PPFIA2: variants seen among roughly 807,000 people sequenced by gnomAD.
PPFIA2 encodes liprin-alpha-2.
Under a neutral mutation model 175.5 loss-of-function variants are expected in PPFIA2, and 46 were observed. That is an observed-to-expected ratio of 0.26 (90% confidence interval 0.21 to 0.34). The LOEUF (loss-of-function observed/expected upper bound fraction) is 0.34, where lower values mean the gene tolerates loss of function less well. Ranked by LOEUF, PPFIA2 falls within the 10% of genes least tolerant of loss-of-function variation. PPFIA2 has a pLI of 1.00. For synonymous variants in PPFIA2, 568 were observed against 511.4 expected, an observed-to-expected ratio of 1.11 and a Z score of -1.49; for missense variants, 1,179 against 1,506.1, an observed-to-expected ratio of 0.78 and a Z score of 3.60.
intron 3 of PPFIA2, among the ~76,000 whole-genome samples, chr12:81,729,286 A>G (rs1451705069): frequency 1.3e-5 from 2 of 151,512 alleles, no homozygotes; most frequent in East Asian, 2.0e-4. Context: ...CACACTAACC[A>G]TGGTCACACA....
At chr12:81,467,084 G>A (rs890857779) in intron 4 of PPFIA2, among the ~76,000 whole-genome samples, 1 of 151,312 alleles carries the variant, frequency 6.6e-6, no homozygotes, top group Non-Finnish European at 1.5e-5. Flanking sequence ...TTTTATATCA[G>A]GGACAAGAGG....
At chr12:81,590,518 C>G (rs1382077460) in intron 4 of PPFIA2, among the ~76,000 whole-genome samples, 1 of 151,346 alleles carries the variant, frequency 6.6e-6, no homozygotes, top group East Asian at 1.9e-4. Context: ...ATTTTTGAAA[C>G]AGGGTGATAG....
chr12:81,667,942 A>T (rs1407277559), intron 4 of PPFIA2, among the ~76,000 whole-genome samples: 1 of 152,024 alleles, frequency 6.6e-6, no homozygotes, highest in Non-Finnish European at 1.5e-5. Context: ...GGGATATGAA[A>T]GTGGGTTACA....
chr12:81,553,615 C>T (rs1306284728), intron 4 of PPFIA2, among the ~76,000 whole-genome samples: 8 of 151,962 alleles, frequency 5.3e-5, no homozygotes, highest in African/African-American at 1.2e-4. Context: ...CAAGACTCTG[C>T]GGAAGAGAGG....
intron 4 of PPFIA2, among the ~76,000 whole-genome samples, chr12:81,665,050 G>C (rs942446717): frequency 6.6e-6 from 1 of 151,876 alleles, no homozygotes; most frequent in African/African-American, 2.4e-5. Flanking sequence ...GGTGGGGGCA[G>C]GGGGGAGGGA....
chr12:81,502,629 A>T (rs2060705378), intron 4 of PPFIA2, among the ~76,000 whole-genome samples: 1 of 152,198 alleles, frequency 6.6e-6, no homozygotes, highest in Non-Finnish European at 1.5e-5. Context: ...CCTAAATTAC[A>T]TCAAGTACCC....
At chr12:81,463,040 T>G (rs1013842166) in intron 4 of PPFIA2, among the ~76,000 whole-genome samples, 2 of 152,024 alleles carry the variant, frequency 1.3e-5, no homozygotes, top group Non-Finnish European at 2.9e-5. Flanking sequence ...TAGAACAGTA[T>G]TTCCACAAGA....
At chr12:81,556,226 G>T (rs906532377) in intron 4 of PPFIA2, among the ~76,000 whole-genome samples, 4 of 151,904 alleles carry the variant, frequency 2.6e-5, no homozygotes. Context: ...ACTTTGAAGT[G>T]ATGGTAGCCT....
At position 81,425,367 on chromosome 12, in the gene PPFIA2, T is replaced by A. The variant is rs552112329; in HGVS notation, c.645+14605A>T. ...TTTTTTTATTTATTCTTTTTTGAGA[T>A]GAAGCCTCACTCTGTCACCCAGGAT... is the stretch of plus-strand genomic sequence containing the variant. On this transcript the variant is annotated intron_variant, in intron 7 of 32. Transcript: ENST00000549396. Among the ~76,000 whole-genome samples, 8 of 152,254 alleles carry A rather than the reference T, an allele frequency of 5.3e-5. No homozygotes were observed. The South Asian group carries it at 1.7e-3, about 32-fold the overall frequency.
chr12:81,434,890 A>C (rs551283596), intron 7 of PPFIA2, among the ~76,000 whole-genome samples: 1 of 152,298 alleles, frequency 6.6e-6, no homozygotes, highest in South Asian at 2.1e-4. Flanking sequence ...ATATACTTGC[A>C]AACAATGGAG....
intron 21 of PPFIA2, among the ~76,000 whole-genome samples, chr12:81,330,018 C>T (rs1405095327): frequency 1.3e-5 from 2 of 152,154 alleles, no homozygotes; most frequent in African/African-American, 2.4e-5. Context: ...AGGAAGGAAA[C>T]TCACATGCCT....
intron 7 of PPFIA2, chr12:81,431,435 A>T (rs966886382): frequency 6.6e-6 from 1 of 152,176 alleles, no homozygotes; most frequent in Non-Finnish European, 1.5e-5. Flanking sequence ...CTTTTTTAGG[A>T]CAATGGCCTG....
At chr12:81,473,833 A>G (rs958193051) in intron 4 of PPFIA2, among the ~76,000 whole-genome samples, 1 of 152,200 alleles carries the variant, frequency 6.6e-6, no homozygotes, top group African/African-American at 2.4e-5. Flanking sequence ...AGAATGATTG[A>G]CTGTTGTCCA....
chr12:81,642,737 G>GTATATATTATATACATACAT (rs1567688608), intron 4 of PPFIA2, among the ~76,000 whole-genome samples: 1 of 21,174 alleles, frequency 4.7e-5, no homozygotes, highest in Non-Finnish European at 1.3e-4. Flanking sequence ...ACATGTATAT[G>GTATATATTATATACATACAT]TATGTATGTA....
At chr12:81,340,176 G>C (rs188544071) in intron 20 of PPFIA2, among the ~76,000 whole-genome samples, 49 of 152,058 alleles carry the variant, frequency 3.2e-4, no homozygotes, top group African/African-American at 1.2e-3. Flanking sequence ...CTTTTTTGGA[G>C]AGTGAAAGAA....
intron 24 of PPFIA2, among the ~76,000 whole-genome samples, chr12:81,287,569 A>C (rs1321806120): frequency 6.6e-6 from 1 of 151,976 alleles, no homozygotes; most frequent in Non-Finnish European, 1.5e-5. Flanking sequence ...TCTTGTAAAA[A>C]GCCGACAGAA....
In PPFIA2 at chr12:81,259,780, G is replaced by A. The variant is rs188865753; in HGVS notation, c.*34-120C>T. 7.2e-5 allele frequency: 56 copies of A among 778,360 alleles called. No homozygotes were observed. In the East Asian group the frequency reaches 1.5e-3, roughly 21 times the overall value. 48.2% of individuals were successfully genotyped at this position (778,360 alleles called of 1,614,324 possible). A position where few individuals can be genotyped will look rare whatever the true frequency, so the allele number is the denominator to read the frequency against. On this transcript the variant is annotated intron_variant, in intron 32 of 32. Transcript: ENST00000549396. ...TTACTCCTGTCCTAGAAGATCATGAGAAGGAAATCATCTAGGATGTAGCCA... is the reference window on the plus strand; with the variant it reads ...TTACTCCTGTCCTAGAAGATCATGAAAAGGAAATCATCTAGGATGTAGCCA...
At chr12:81,440,210 G>A (rs1486104306) in intron 6 of PPFIA2, among the ~76,000 whole-genome samples, 164 bp from the exon 7 acceptor site, 2 of 152,096 alleles carry the variant, frequency 1.3e-5, no homozygotes, top group Non-Finnish European at 2.9e-5. Context: ...TACAATGAAT[G>A]CATTGTCACC....
chr12:81,501,871 T>C (rs764281743), intron 4 of PPFIA2, among the ~76,000 whole-genome samples: 1 of 152,044 alleles, frequency 6.6e-6, no homozygotes, highest in Non-Finnish European at 1.5e-5. Flanking sequence ...CTAAGAAAGA[T>C]CAAAGGAGAA....
Sources: allele counts gnomAD v4.1 joint callset (sites outside exome capture counted in the v4.1 genomes callset), GRCh38; gene constraint gnomAD v4.1.1; transcripts MANE v1.5; gene names NCBI Gene and HGNC (gene_info 2026-07-23, HGNC 2026-07-21).